Variants in SLC24A2 observed in about 807,000 individuals in gnomAD.
SLC24A2 encodes the protein sodium/potassium/calcium exchanger 2.
SLC24A2 carries 36 observed loss-of-function variants against 62.0 expected under a neutral mutation model. The observed-to-expected ratio is 0.58, with a 90% CI of 0.44 to 0.77. SLC24A2 has a LOEUF of 0.77. Among genes scored for constraint, SLC24A2 ranks in the 30% least tolerant of loss-of-function variants. The pLI is 0.00. For missense variants in SLC24A2, 846 were observed against 817.9 expected, an observed-to-expected ratio of 1.03 and a Z score of -0.42; for synonymous variants, 358 against 294.0, an observed-to-expected ratio of 1.22 and a Z score of -2.23.
At chr9:20,132,756 G>C in the SLC24A2 span, among the ~76,000 whole-genome samples, 3 of 152,016 alleles carry the variant, frequency 2.0e-5, no homozygotes, top group East Asian at 5.8e-4. Context: ...AATTATAAAT[G>C]CTAAAACTTA....
chr9:20,015,148 T>C, the SLC24A2 span, among the ~76,000 whole-genome samples: 45 of 152,228 alleles, frequency 3.0e-4, no homozygotes, highest in Non-Finnish European at 5.6e-4. Context: ...AATGATTCTC[T>C]TGTGTCCCAT....
chr9:20,117,877 G>C, the SLC24A2 span, among the ~76,000 whole-genome samples: 1 of 152,098 alleles, frequency 6.6e-6, no homozygotes, highest in African/African-American at 2.4e-5. Context: ...TAATTTTACA[G>C]ATGAAGAAAG....
chr9:19,736,779 G>A (rs750777032), intron 2 of SLC24A2, among the ~76,000 whole-genome samples: 1 of 152,182 alleles, frequency 6.6e-6, no homozygotes, highest in Non-Finnish European at 1.5e-5. Context: ...TTGAGACCAG[G>A]AGTTTAAAAT....
the SLC24A2 span, among the ~76,000 whole-genome samples, chr9:19,824,516 A>C: frequency 1.8e-4 from 28 of 152,306 alleles, no homozygotes; most frequent in Non-Finnish European, 4.4e-5. Flanking sequence ...AAAGTCAGGA[A>C]ACAACAGATG....
At chr9:19,927,347 T>C in the SLC24A2 span, 1 of 152,216 alleles carries the variant, frequency 6.6e-6, no homozygotes, top group African/African-American at 2.4e-5. Flanking sequence ...TCTGCTGAGT[T>C]TCCAGCTAAG....
At chr9:20,248,064 T>C in the SLC24A2 span, among the ~76,000 whole-genome samples, 7 of 152,328 alleles carry the variant, frequency 4.6e-5, no homozygotes, top group African/African-American at 1.7e-4. Context: ...AAATCCAGAT[T>C]CCAGTGCCAG....
At chr9:19,565,035 C>T (rs1338602233) in intron 7 of SLC24A2, among the ~76,000 whole-genome samples, 1 of 152,058 alleles carries the variant, frequency 6.6e-6, no homozygotes, top group African/African-American at 2.4e-5. Flanking sequence ...TGGAAGCATT[C>T]CCTTTGAAAA....
chr9:20,255,641 C>A, the SLC24A2 span, among the ~76,000 whole-genome samples: 1 of 152,138 alleles, frequency 6.6e-6, no homozygotes, highest in Non-Finnish European at 1.5e-5. Context: ...GCTTGGATTT[C>A]CTCACAGTAT....
At chr9:19,928,344 G>C in the SLC24A2 span, 1 of 152,260 alleles carries the variant, frequency 6.6e-6, no homozygotes, top group South Asian at 2.1e-4. Flanking sequence ...ATTCTGAAAT[G>C]ATGTATACAG....
chr9:20,282,414 T>G, the SLC24A2 span, among the ~76,000 whole-genome samples: 18,322 of 152,188 alleles, frequency 0.12, 2,043 homozygotes, highest in East Asian at 0.51. Flanking sequence ...ACATATTATG[T>G]GTCAAGTGCA....
At chr9:19,879,395 G>T in the SLC24A2 span, among the ~76,000 whole-genome samples, 14 of 152,246 alleles carry the variant, frequency 9.2e-5, no homozygotes, top group African/African-American at 3.1e-4. Context: ...CAGTCAAATT[G>T]CTTTGAATTT....
the SLC24A2 span, among the ~76,000 whole-genome samples, chr9:20,302,599 T>G: frequency 6.6e-6 from 1 of 152,050 alleles, no homozygotes; most frequent in Non-Finnish European, 1.5e-5. Context: ...TGGTGTTGAG[T>G]TTTTTTTATA....
chr9:19,696,197 C>G (rs1306466334), intron 2 of SLC24A2, among the ~76,000 whole-genome samples: 1 of 152,112 alleles, frequency 6.6e-6, no homozygotes, highest in Admixed American at 6.5e-5. Context: ...TGAGGTGGAA[C>G]AGTTTCATCG....
chr9:19,634,033 A>C (rs894904404), intron 2 of SLC24A2, among the ~76,000 whole-genome samples: 6 of 152,070 alleles, frequency 3.9e-5, no homozygotes, highest in Admixed American at 2.6e-4. Flanking sequence ...TGGGAGCTGA[A>C]TATTTTCTAT....
At chr9:20,266,388 G>A in the SLC24A2 span, among the ~76,000 whole-genome samples, 1 of 152,104 alleles carries the variant, frequency 6.6e-6, no homozygotes, top group African/African-American at 2.4e-5. Context: ...ATGACTGTCG[G>A]GGGCAGGTTC....
chr9:19,756,311 A>G (rs1156967606), intron 2 of SLC24A2, among the ~76,000 whole-genome samples: 2 of 152,218 alleles, frequency 1.3e-5, no homozygotes, highest in African/African-American at 4.8e-5. Context: ...GGAGTTTTAA[A>G]AAAACTATAG....
At chr9:20,137,822 G>A in the SLC24A2 span, among the ~76,000 whole-genome samples, 1 of 152,264 alleles carries the variant, frequency 6.6e-6, no homozygotes, top group Non-Finnish European at 1.5e-5. Flanking sequence ...GAATCATAAT[G>A]TTTGCAATAA....
At chr9:20,244,766 G>C in the SLC24A2 span, among the ~76,000 whole-genome samples, 74 of 152,278 alleles carry the variant, frequency 4.9e-4, no homozygotes, top group African/African-American at 1.7e-3. Context: ...TACAATAACA[G>C]TACTGCTTCT....
chr9:20,165,847 A>G, the SLC24A2 span, among the ~76,000 whole-genome samples: 1 of 152,018 alleles, frequency 6.6e-6, no homozygotes, highest in African/African-American at 2.4e-5. Flanking sequence ...AGAAACAAAA[A>G]CAAATGACAA....
Sources: allele counts gnomAD v4.1 joint callset (sites outside exome capture counted in the v4.1 genomes callset), GRCh38; gene constraint gnomAD v4.1.1; transcripts MANE v1.5; gene names NCBI Gene and HGNC (gene_info 2026-07-23, HGNC 2026-07-21).